Variants in ZNF804A observed in about 807,000 individuals in gnomAD.
ZNF804A encodes the protein zinc finger protein 804A.
In ZNF804A, 2 loss-of-function variants were observed where a neutral mutation model predicts 16.5. That is an observed-to-expected ratio of 0.12 (90% CI 0.05 to 0.38). The LOEUF (loss-of-function observed/expected upper bound fraction) is 0.38. ZNF804A is among the 10% of genes least tolerant of loss of function. The probability of loss-of-function intolerance (pLI) is 0.99; values close to 1 mark genes in which losing one functional copy is unlikely to be tolerated. For missense variants in ZNF804A, 1,473 were observed against 1,390.7 expected (o/e 1.06, Z -0.94); for synonymous variants, 534 against 489.6 (o/e 1.09, Z -1.20).
intron 2 of ZNF804A, among the ~76,000 whole-genome samples, chr2:184,880,467 T>A (rs6753158): frequency 1.4e-4 from 22 of 151,948 alleles, no homozygotes; most frequent in African/African-American, 3.6e-4. Flanking sequence ...GACACATTTT[T>A]TAAAAAAAAA....
chr2:184,934,108 T>C (rs2105842786), intron 3 of ZNF804A, among the ~76,000 whole-genome samples: 1 of 152,162 alleles, frequency 6.6e-6, no homozygotes, highest in East Asian at 1.9e-4. Flanking sequence ...AGATACTTTT[T>C]AAAATGAAAA....
chr2:184,847,801 C>T (rs1695543812), intron 1 of ZNF804A, among the ~76,000 whole-genome samples: 1 of 151,958 alleles, frequency 6.6e-6, no homozygotes. Flanking sequence ...AAGACCCCCT[C>T]CTCAGGTTTG....
At chr2:184,882,399 T>C (rs538102007) in intron 2 of ZNF804A, among the ~76,000 whole-genome samples, 1 of 152,048 alleles carries the variant, frequency 6.6e-6, no homozygotes, top group South Asian at 2.1e-4. Flanking sequence ...GACAGATCAT[T>C]GAGGTACAAA....
At chr2:184,865,468 T>A (rs1003386315) in intron 1 of ZNF804A, among the ~76,000 whole-genome samples, 3 of 152,004 alleles carry the variant, frequency 2.0e-5, no homozygotes, top group Admixed American at 6.6e-5. Flanking sequence ...AGAGATCACA[T>A]GTGGCGAGAG....
intron 2 of ZNF804A, among the ~76,000 whole-genome samples, chr2:184,923,329 T>C (rs1028596208): frequency 1.3e-5 from 2 of 152,030 alleles, no homozygotes; most frequent in African/African-American, 4.8e-5. Context: ...AATTACTTTC[T>C]TAATTTCTTT....
intron 1 of ZNF804A, among the ~76,000 whole-genome samples, chr2:184,630,174 G>A (rs1286617739): frequency 1.3e-5 from 2 of 152,022 alleles, no homozygotes; most frequent in Non-Finnish European, 1.5e-5. Flanking sequence ...CTAAGTGAAT[G>A]GCTTGTTACA....
intron 1 of ZNF804A, among the ~76,000 whole-genome samples, chr2:184,816,315 A>G (rs538472171): frequency 1.3e-5 from 2 of 152,004 alleles, no homozygotes; most frequent in African/African-American, 4.8e-5. Context: ...CCTCCTACCT[A>G]ATTCTTTTAC....
chr2:184,700,475 G>C (rs1014459897), intron 1 of ZNF804A, among the ~76,000 whole-genome samples: 2 of 152,028 alleles, frequency 1.3e-5, no homozygotes, highest in African/African-American at 4.8e-5. Flanking sequence ...ATTTCAAAGT[G>C]ATGAAAGTTA....
At chr2:184,823,317 G>T (rs561415065) in intron 1 of ZNF804A, among the ~76,000 whole-genome samples, 55 of 152,134 alleles carry the variant, frequency 3.6e-4, no homozygotes, top group African/African-American at 1.3e-3. Flanking sequence ...CACCTCCTAA[G>T]AACTCCAGTT....
At chr2:184,914,361 A>G (rs1024287661) in intron 2 of ZNF804A, among the ~76,000 whole-genome samples, 2 of 152,164 alleles carry the variant, frequency 1.3e-5, no homozygotes, top group African/African-American at 4.8e-5. Flanking sequence ...GAACTAATAC[A>G]TGTTGTAAGA....
At chr2:184,850,215 A>C (rs1695581327) in intron 1 of ZNF804A, among the ~76,000 whole-genome samples, 1 of 151,944 alleles carries the variant, frequency 6.6e-6, no homozygotes, top group African/African-American at 2.4e-5. Context: ...TAATTAAAAG[A>C]GTGGAATTAG....
rs181824129 is a variant in ZNF804A, at chr2:184,607,223, T to C, written c.111+8153T>C. Among the ~76,000 whole-genome samples, 23 of 152,350 alleles carry C rather than the reference T, an allele frequency of 1.5e-4. No homozygotes were observed. In the East Asian group the frequency reaches 3.3e-3, roughly 22 times the overall value. On this transcript the variant is annotated intron_variant, in intron 1 of 3. Coordinates refer to ENST00000302277, the MANE Select transcript of ZNF804A (RefSeq NM_194250.2). The stretch of plus-strand genomic sequence containing the variant: ...CCCAACAGCTTACCACACATGTTTA[T>C]TGTACTTGAAGAAAGTCAAGCTCTC...
At chr2:184,755,469 G>A (rs913699496) in intron 1 of ZNF804A, among the ~76,000 whole-genome samples, 12 of 151,938 alleles carry the variant, frequency 7.9e-5, no homozygotes, top group African/African-American at 2.4e-4. Context: ...TGTTATTTTT[G>A]TATGTGTTAT....
intron 1 of ZNF804A, among the ~76,000 whole-genome samples, chr2:184,687,642 A>T (rs1194436520): frequency 6.6e-6 from 1 of 152,220 alleles, no homozygotes; most frequent in Non-Finnish European, 1.5e-5. Context: ...TCATTGCTTA[A>T]TGGTTATAGA....
intron 1 of ZNF804A, among the ~76,000 whole-genome samples, chr2:184,662,250 C>T (rs1692185993): frequency 6.6e-6 from 1 of 152,046 alleles, no homozygotes; most frequent in South Asian, 2.1e-4. Context: ...TGACTACGTT[C>T]GTTTTGTATT....
At chr2:184,692,227 T>C (rs1692743964) in intron 1 of ZNF804A, among the ~76,000 whole-genome samples, 1 of 152,200 alleles carries the variant, frequency 6.6e-6, no homozygotes, top group Non-Finnish European at 1.5e-5. Context: ...AGTTAATAGC[T>C]ACAATACTTC....
intron 1 of ZNF804A, among the ~76,000 whole-genome samples, chr2:184,654,044 C>T (rs942600125): frequency 3.3e-5 from 5 of 152,194 alleles, no homozygotes; most frequent in African/African-American, 1.2e-4. Flanking sequence ...CAGACCATCA[C>T]CTGATGGTCA....
intron 1 of ZNF804A, among the ~76,000 whole-genome samples, chr2:184,626,984 A>G (rs1251930265): frequency 2.0e-5 from 3 of 152,318 alleles, no homozygotes; most frequent in Non-Finnish European, 4.4e-5. Flanking sequence ...CATAGATAAA[A>G]TTATAGCATC....
At chr2:184,762,441 T>C (rs1694053578) in intron 1 of ZNF804A, among the ~76,000 whole-genome samples, 1 of 151,986 alleles carries the variant, frequency 6.6e-6, no homozygotes, top group African/African-American at 2.4e-5. Flanking sequence ...AAGAATTATG[T>C]AATGTTTGAG....
Sources: allele counts gnomAD v4.1 joint callset (sites outside exome capture counted in the v4.1 genomes callset), GRCh38; gene constraint gnomAD v4.1.1; transcripts MANE v1.5; gene names NCBI Gene and HGNC (gene_info 2026-07-23, HGNC 2026-07-21).